Variants in FANCD2OS observed in about 807,000 individuals in gnomAD.
The protein encoded by FANCD2OS is FANCD2 opposite strand.
In FANCD2OS, 11 loss-of-function variants were observed where a neutral mutation model predicts 13.2. That is an observed-to-expected ratio of 0.83 (90% CI 0.52 to 1.38). FANCD2OS has a LOEUF of 1.38. Ranked by LOEUF, FANCD2OS falls within the 40% of genes most tolerant of loss-of-function variation. The pLI, the probability that FANCD2OS is intolerant of heterozygous loss-of-function variation, is 0.00. For missense variants in FANCD2OS, 217 were observed against 213.9 expected (o/e 1.01, Z -0.09); for synonymous variants, 69 against 84.5 (o/e 0.82, Z 1.01).
chr3:10,099,082 T>C, downstream of FANCD2OS: 1 of 1,543,394 alleles, frequency 6.5e-7, no homozygotes, highest in South Asian at 1.2e-5. Flanking sequence ...CCTCTCATTT[T>C]CCATGAATTC....
chr3:10,095,997 G>A (rs1053748763), intron 2 of FANCD2OS, among the ~76,000 whole-genome samples: 15 of 151,600 alleles, frequency 9.9e-5, no homozygotes, highest in Non-Finnish European at 1.9e-4. Context: ...AATGTTTAAG[G>A]AATTCTCTTA....
chr3:10,101,356 G>C (rs1695288033), downstream of FANCD2OS: 1 of 810,390 alleles, frequency 1.2e-6, no homozygotes, highest in African/African-American at 1.7e-5. Context: ...TTTCTTACTG[G>C]TAGGATCCTT....
chr3:10,098,995 G>T, downstream of FANCD2OS: 1 of 1,613,722 alleles, frequency 6.2e-7, no homozygotes, highest in South Asian at 1.1e-5. Context: ...AAGAAACAAC[G>T]ACACAATCTT....
chr3:10,089,279 C>G (rs185884924), intron 2 of FANCD2OS, among the ~76,000 whole-genome samples: 13 of 151,042 alleles, frequency 8.6e-5, no homozygotes, highest in Admixed American at 7.3e-4. Flanking sequence ...GAGCGAAACT[C>G]CATCTCAAAA....
At chr3:10,092,879 A>AC (rs965153083) in intron 2 of FANCD2OS, among the ~76,000 whole-genome samples, 1 of 151,586 alleles carries the variant, frequency 6.6e-6, no homozygotes, top group African/African-American at 2.4e-5. Context: ...TTTTGTGGAA[A>AC]CAGGGTCTCA....
intron 2 of FANCD2OS, chr3:10,085,753 A>G: frequency 9.2e-7 from 1 of 1,091,768 alleles, no homozygotes; most frequent in Non-Finnish European, 1.4e-6. Context: ...GGATCCTTAA[A>G]TACTATCCAA....
chr3:10,101,466 A>G (rs534184551), downstream of FANCD2OS: 20 of 520,888 alleles, frequency 3.8e-5, no homozygotes, highest in Non-Finnish European at 6.2e-5. Context: ...GCTCACTGCA[A>G]CCTCCATCTC....
Position 10,081,635 on chromosome 3 carries a change from C to T in FANCD2OS, c.*44-104G>A, listed in dbSNP as rs34175149. 3,610 of 683,312 alleles carry T rather than the reference C, an allele frequency of 5.3e-3. 19 individuals are homozygous for T. Among genetic ancestry groups the T allele is most frequent in the South Asian group, 8.3e-3 (519 of 62,692 alleles). The allele number at this position is 683,312 out of a possible 1,614,324, so 42.3% of individuals were successfully genotyped here. A position where few individuals can be genotyped will look rare whatever the true frequency, so the allele number is the denominator to read the frequency against. ...CTGTATTATTTCATTTGATCTTGTA[C>T]CCTCTGAGTCCTTTGGAGCCACTAT... is the stretch of plus-strand genomic sequence containing the variant. On this transcript the variant is annotated intron_variant, in intron 2 of 2. Transcript: ENST00000524279.
chr3:10,107,299 T>C (rs59775489), intron 1 of FANCD2OS, among the ~76,000 whole-genome samples: 14,802 of 128,354 alleles, frequency 0.12, 1,844 homozygotes, highest in African/African-American at 0.36. Context: ...TTCTTTCTTT[T>C]TTTTTTGAGA....
rs1262479173 is a variant in FANCD2OS at position 10,090,287 on chromosome 3, T to C, written c.*44-8756A>G. On this transcript the variant is annotated intron_variant, in intron 2 of 2. Coordinates refer to the FANCD2OS transcript ENST00000524279. Reference sequence around the variant, plus strand: ...GTGGGCACGCATGCTTTTCCCGTCTTCTAGGCATACTTTTGTTGTTTTCTT... The same window carrying C: ...GTGGGCACGCATGCTTTTCCCGTCTCCTAGGCATACTTTTGTTGTTTTCTT... 3.1e-6 allele frequency: 5 copies of C among 1,611,396 alleles called. No homozygotes were observed. Among genetic ancestry groups the C allele is most frequent in the Non-Finnish European group, 4.2e-6 (5 of 1,178,044 alleles).
chr3:10,091,336 C>T (rs1559406555), intron 2 of FANCD2OS, among the ~76,000 whole-genome samples: 1 of 151,526 alleles, frequency 6.6e-6, no homozygotes, highest in African/African-American at 2.4e-5. Context: ...CCGCCTCAGC[C>T]TCCCAAAGTG....
chr3:10,088,235 C>T (rs140957520), intron 2 of FANCD2OS, among the ~76,000 whole-genome samples: 1 of 152,080 alleles, frequency 6.6e-6, no homozygotes, highest in East Asian at 1.9e-4. Flanking sequence ...TGGGGTGGGA[C>T]GTGTTGAGCC....
chr3:10,104,640 G>A lies in FANCD2OS; in HGVS notation c.135C>T (p.Asp45=), dbSNP rs1695418944. 2.5e-6 allele frequency: 4 copies of A among 1,614,188 alleles called. No homozygotes were observed. Among genetic ancestry groups the A allele is most frequent in the Non-Finnish European group, 3.4e-6 (4 of 1,180,044 alleles). Residue 45 remains aspartate, a synonymous_variant, in exon 2 of 2, where the codon GAC becomes GAT. Coordinates refer to ENST00000450660, the MANE Select transcript of FANCD2OS (RefSeq NM_001164839.2). ...ASPCFPHTPS[D]LEVQLCFQEV... ...CTTGAAAGCACAGCTGCACTTCAAG[G>A]TCGGACGGTGTGTGTGGGAAGCAGG... is the stretch of plus-strand genomic sequence containing the variant.
chr3:10,085,920 C>A, intron 2 of FANCD2OS: 1 of 1,598,994 alleles, frequency 6.3e-7, no homozygotes, highest in Non-Finnish European at 8.6e-7. Context: ...AGGAACTACT[C>A]AGGTGAGTCA....
chr3:10,101,322 A>G (rs545353445), downstream of FANCD2OS: 7 of 1,208,480 alleles, frequency 5.8e-6, no homozygotes, highest in African/African-American at 1.1e-4. Flanking sequence ...ATTTTGTGTT[A>G]GAGTTTGAAA....
downstream of FANCD2OS, among the ~76,000 whole-genome samples, chr3:10,100,174 T>C (rs1695218639): frequency 6.6e-6 from 1 of 152,202 alleles, no homozygotes; most frequent in African/African-American, 2.4e-5. Flanking sequence ...AGCGAGACCC[T>C]GTCTCAAAAT....
At chr3:10,087,321 C>T (rs2125073541) in intron 2 of FANCD2OS, 3 of 1,497,034 alleles carry the variant, frequency 2.0e-6, no homozygotes, top group Non-Finnish European at 1.8e-6. Context: ...ACTAATATCT[C>T]ACACTTACAA....
At chr3:10,088,763 A>C in intron 2 of FANCD2OS, 1 of 1,540,128 alleles carries the variant, frequency 6.5e-7, no homozygotes, top group Admixed American at 1.7e-5. Flanking sequence ...TAGAGGAATT[A>C]GAGGAATCTG....
Position 10,104,401 on chromosome 3 carries a change from G to T in FANCD2OS, c.374C>A (p.Ala125Asp). 1 of 1,614,168 alleles carries T rather than the reference G, an allele frequency of 6.2e-7. No homozygotes were observed. Among genetic ancestry groups the T allele is most frequent in the Non-Finnish European group, 8.5e-7 (1 of 1,180,044 alleles). ...TGTFRVSDKSAFCKIISREHQ... is the reference protein window; with the variant it reads ...TGTFRVSDKSDFCKIISREHQ... ...CTCCCTGCTAATGATTTTGCAAAAG[G>T]CTGACTTGTCTGAAACTCTGAAAGT... The change falls in exon 2 of 2, where the codon GCC (alanine) becomes GAC (aspartate). Residue 125 changes from alanine to aspartate, a missense_variant. Transcript: ENST00000450660.
Sources: gnomAD v4.1 joint callset for allele counts (sites outside exome capture counted in the v4.1 genomes callset) on GRCh38, gnomAD v4.1.1 for gene constraint, MANE v1.5 for transcripts, NCBI Gene and HGNC (gene_info 2026-07-23, HGNC 2026-07-21) for gene names.